PSMD10: variants seen among roughly 807,000 people sequenced by gnomAD.
PSMD10 encodes the protein proteasome 26S subunit, non-ATPase 10, also known as 26S proteasome non-ATPase regulatory subunit 10.
PSMD10 carries 2 observed loss-of-function variants against 13.2 expected under a neutral mutation model. That is an observed-to-expected ratio of 0.15 (90% CI 0.06 to 0.48). The LOEUF (loss-of-function observed/expected upper bound fraction) is 0.48, where lower values mean the gene tolerates loss of function less well. Ranked by LOEUF, PSMD10 falls within the 20% of genes least tolerant of loss-of-function variation. The pLI is 0.97. For missense variants in PSMD10, 120 were observed against 167.4 expected, an observed-to-expected ratio of 0.72 and a Z score of 1.56; for synonymous variants, 66 against 64.4, an observed-to-expected ratio of 1.03 and a Z score of -0.12.
intron 4 of PSMD10, among the ~76,000 whole-genome samples, chrX:108,086,847 T>A (rs773124514): frequency 2.7e-5 from 3 of 112,088 alleles, no homozygotes; most frequent in African/African-American, 9.7e-5. Flanking sequence ...ATGTGTGTAT[T>A]TGTTGACGCA....
chrX:108,091,166 CT>C (rs761155654), intron 1 of PSMD10, among the ~76,000 whole-genome samples: 1 of 113,597 alleles, frequency 8.8e-6, no homozygotes, highest in Admixed American at 9.2e-5. Context: ...GGTAGACGTT[CT>C]AGAACTATCC....
At chrX:108,085,698 G>C (rs2031489753) in intron 4 of PSMD10, among the ~76,000 whole-genome samples, 1 of 111,820 alleles carries the variant, frequency 8.9e-6, no homozygotes, top group Non-Finnish European at 1.9e-5. Flanking sequence ...ATGCACTTAA[G>C]AGTTTGCCAG....
At chrX:108,090,972 T>C (rs2031596356) in intron 1 of PSMD10, among the ~76,000 whole-genome samples, 1 of 113,110 alleles carries the variant, frequency 8.8e-6, no homozygotes, top group Non-Finnish European at 1.9e-5. Flanking sequence ...TAATCGGACA[T>C]GTTTTTGTGC....
In PSMD10 at chrX:108,087,849, C is replaced by T. The variant is rs749312942; in HGVS notation, c.364G>A (p.Ala122Thr). The change falls in exon 4 of 5, where the codon GCT becomes ACT. Residue 122 changes from alanine to threonine, a missense_variant. Ala to Thr is a moderately conservative substitution (Grantham distance 58). Around this residue, in one of 3 missense-constraint regions of PSMD10, gnomAD observed 68 missense variants for 124.8 expected, o/e 0.54. Transcript: ENST00000217958. ...YAASKNRHEI[A>T]VMLLEGGANP... ...GCCCCGCCTTCCAGTAACATGACAGCGATCTGGAAAGATGGAGAAGAAAGA... is the reference window on the plus strand; with the variant it reads ...GCCCCGCCTTCCAGTAACATGACAGTGATCTGGAAAGATGGAGAAGAAAGA... 34 of 1,210,849 alleles carry T rather than the reference C, an allele frequency of 2.8e-5. No homozygotes were observed. The highest frequency in any genetic ancestry group is 3.5e-5 in the South Asian group (2 of 56,939).
intron 1 of PSMD10, 123 bp downstream of exon 1, chrX:108,091,284 T>A (rs1569296615): frequency 1.1e-5 from 7 of 624,574 alleles, no homozygotes; most frequent in South Asian, 2.5e-5. Context: ...GGGGACTGCT[T>A]GGGGCGGCGG....
rs2031517981 is a variant in PSMD10 at position 108,087,986 on chromosome X, G to A, written c.327C>T (p.Pro109=). The change falls in exon 3 of 5, where the codon CCC becomes CCT. Residue 109 remains proline, a synonymous_variant. Coordinates refer to ENST00000217958, the MANE Select transcript of PSMD10 (RefSeq NM_002814.4). ...TGTTTTTCGAAGCTGCATAATGTAAGGGAGTACAGCCATTTTGATTGACAG... is the reference window on the plus strand; with the variant it reads ...TGTTTTTCGAAGCTGCATAATGTAAAGGAGTACAGCCATTTTGATTGACAG... ...VNAVNQNGCT[P]LHYAASKNRH... 1 of 1,211,584 alleles carries A rather than the reference G, an allele frequency of 8.3e-7. No individual in the cohort carries two copies. Among genetic ancestry groups the A allele is most frequent in the East Asian group, 3.0e-5 (1 of 33,843 alleles).
intron 1 of PSMD10, 130 bp downstream of exon 1, chrX:108,091,277 G>C (rs181605388): frequency 8.7e-6 from 5 of 575,589 alleles, no homozygotes; most frequent in Non-Finnish European, 1.5e-5. Flanking sequence ...GACCCAGGGG[G>C]ACTGCTTGGG....
chrX:108,087,949 A>G lies in PSMD10; in HGVS notation c.360+4T>C. The G allele has an allele frequency of 4.1e-6, 5 of 1,211,972 alleles. No individual in the cohort carries two copies. The highest frequency in any genetic ancestry group is 5.6e-6 in the Non-Finnish European group (5 of 895,504). On this transcript the variant is annotated splice_donor_region_variant and intron_variant, in intron 3 of 4. Coordinates refer to ENST00000217958, the MANE Select transcript of PSMD10 (RefSeq NM_002814.4). ...AACAGAAGTAGCCTAGGATGGAACC[A>G]TACCTCATGCCTGTTTTTCGAAGCT...
At position 108,088,102 on chromosome X, in the gene PSMD10, A is replaced by G; in HGVS notation, c.214-3T>C. On this transcript the variant is annotated splice_region_variant and splice_polypyrimidine_tract_variant and intron_variant, in intron 2 of 4. Transcript: ENST00000217958. ...ATATGAAGAGGAGACCAACCTGCCT[A>G]TAAAAGAAGTAGGTAGTAGAAATAC... The G allele has an allele frequency of 8.3e-7, 1 of 1,198,591 alleles. No individual in the cohort carries two copies. Among genetic ancestry groups the G allele is most frequent in the Non-Finnish European group, 1.1e-6 (1 of 886,696 alleles).
rs2031531523 is a variant in PSMD10 at position 108,088,949 on chromosome X, A to G, written c.115-99T>C. 2.5e-5 allele frequency: 16 copies of G among 629,130 alleles called. 1 individual carries two copies. The South Asian group carries it at 5.0e-4, about 20-fold the overall frequency. The allele number at this position is 629,130 out of a possible 1,213,427, so 51.8% of individuals were successfully genotyped here. On this transcript the variant is annotated intron_variant, in intron 1 of 4. Coordinates refer to ENST00000217958, the MANE Select transcript of PSMD10 (RefSeq NM_002814.4). ...CAAATCTATAGTTTGAAAATACGAA[A>G]TGCAGAGCACTGGATCCTCAGGTAG... is the stretch of plus-strand genomic sequence containing the variant.
chrX:108,085,099 C>T lies in PSMD10; in HGVS notation c.556G>A (p.Glu186Lys). 1 of 1,207,218 alleles carries T rather than the reference C, an allele frequency of 8.3e-7. No individual in the cohort carries two copies. Among genetic ancestry groups the T allele is most frequent in the Non-Finnish European group, 1.1e-6 (1 of 893,467 alleles). ...LHLACDEERV[E>K]EAKLLVSQGA... ...TGGGACACCAGCAGTTTTGCTTCTT[C>T]CACTCTCTCCTCATCACAGGCTAAG... The change falls in exon 5 of 5, where the codon GAA becomes AAA. Residue 186 changes from glutamate to lysine, a missense_variant. Transcript: ENST00000217958.
At chrX:108,086,054 T>C (rs1011578885) in intron 4 of PSMD10, among the ~76,000 whole-genome samples, 4 of 111,797 alleles carry the variant, frequency 3.6e-5, no homozygotes, top group Non-Finnish European at 7.5e-5. Flanking sequence ...CAGGAAAGAT[T>C]TTAAAAACTA....
At chrX:108,089,729 A>G (rs2031543046) in intron 1 of PSMD10, among the ~76,000 whole-genome samples, 1 of 110,890 alleles carries the variant, frequency 9.0e-6, no homozygotes, top group South Asian at 3.9e-4. Flanking sequence ...GCTACTTGGG[A>G]GGCTGAGGCA....
chrX:108,085,138 G>C lies in PSMD10; in HGVS notation c.528-11C>G, dbSNP rs1302865590. ...TCACAGGCTAAGTGTCTGAAATCAG[G>C]GACCACCAGAGACCAATTAATCACT... is the stretch of plus-strand genomic sequence containing the variant. On this transcript the variant is annotated splice_polypyrimidine_tract_variant and intron_variant, in intron 4 of 4. Transcript: ENST00000217958. 1.7e-6 allele frequency: 2 copies of C among 1,187,311 alleles called. No homozygotes were observed. The highest frequency in any genetic ancestry group is 4.7e-5 in the Admixed American group (2 of 42,598).
Position 108,084,256 on chromosome X carries a change from T to C in PSMD10, c.*718A>G, listed in dbSNP as rs1314404337. 2 of 112,688 alleles carry C rather than the reference T, an allele frequency of 1.8e-5. No homozygotes were observed. Among genetic ancestry groups the C allele is most frequent in the African/African-American group, 6.4e-5 (2 of 31,068 alleles). 9.3% of individuals were successfully genotyped at this position (112,688 alleles called of 1,213,427 possible). A position where few individuals can be genotyped will look rare whatever the true frequency, so the allele number is the denominator to read the frequency against. ...TTTCTGAAATACAAATCAAAATACA[T>C]TTTTGTTACATGTCATTTTAACAAG... is the stretch of plus-strand genomic sequence containing the variant. On this transcript the variant is annotated 3_prime_UTR_variant, in exon 5 of 5. Coordinates refer to ENST00000217958, the MANE Select transcript of PSMD10 (RefSeq NM_002814.4).
At chrX:108,085,586 T>C (rs939702153) in intron 4 of PSMD10, among the ~76,000 whole-genome samples, 17 of 112,425 alleles carry the variant, frequency 1.5e-4, no homozygotes, top group Admixed American at 3.8e-4. Flanking sequence ...AAAGTATTAT[T>C]ATCATCATTT....
Position 108,091,362 on chromosome X carries a change from C to A in PSMD10, c.114+45G>T, listed in dbSNP as rs761912858. ...GCCGGGCCCCGAAAGCCACGTAGGG[C>A]TTCGCCGACGTCGCCGACTGCGGAG... On this transcript the variant is annotated intron_variant, in intron 1 of 4. Coordinates refer to ENST00000217958, the MANE Select transcript of PSMD10 (RefSeq NM_002814.4). 3.5e-6 allele frequency: 4 copies of A among 1,153,461 alleles called. No individual in the cohort carries two copies. The South Asian group carries it at 7.2e-5, about 21-fold the overall frequency.
chrX:108,088,878 C>A, intron 1 of PSMD10, 28 bp from the exon 2 acceptor site: 1 of 1,074,907 alleles, frequency 9.3e-7, no homozygotes, highest in Non-Finnish European at 1.2e-6. Context: ...TAGAAACATT[C>A]TTGAAATAGA....
rs779899966 is a variant in PSMD10, at chrX:108,087,844, G to A, written c.369C>T (p.Val123=). The change falls in exon 4 of 5, where the codon GTC becomes GTT. Residue 123 remains valine, a synonymous_variant. Transcript: ENST00000217958. The stretch of plus-strand genomic sequence containing the variant: ...GATTAGCCCCGCCTTCCAGTAACAT[G>A]ACAGCGATCTGGAAAGATGGAGAAG... ...AASKNRHEIA[V]MLLEGGANPD... The A allele has an allele frequency of 1.7e-6, 2 of 1,211,386 alleles. No homozygotes were observed. Among genetic ancestry groups the A allele is most frequent in the South Asian group, 3.5e-5 (2 of 56,964 alleles).
Sources: allele counts gnomAD v4.1 joint callset (sites outside exome capture counted in the v4.1 genomes callset), GRCh38; gene constraint gnomAD v4.1.1; regional missense constraint gnomAD v4.1.1; transcripts MANE v1.5; gene names NCBI Gene and HGNC (gene_info 2026-07-23, HGNC 2026-07-21).